PLCH2: variants seen among roughly 807,000 people sequenced by gnomAD.
PLCH2 encodes the protein phospholipase C eta 2.
Under a neutral mutation model 134.7 loss-of-function variants are expected in PLCH2, and 98 were observed. That is an observed-to-expected ratio of 0.73 (90% confidence interval 0.62 to 0.86). The LOEUF is 0.86. Ranked by LOEUF, PLCH2 falls within the 40% of genes least tolerant of loss-of-function variation. The pLI, the probability that PLCH2 is intolerant of heterozygous loss-of-function variation, is 0.00. For synonymous variants in PLCH2, 974 were observed against 827.5 expected, an observed-to-expected ratio of 1.18 and a Z score of -3.04; for missense variants, 1,994 against 1,986.6, an observed-to-expected ratio of 1.00 and a Z score of -0.07.
At chr1:2,452,879 G>A (rs1039757174) in intron 2 of PLCH2, among the ~76,000 whole-genome samples, 3 of 152,218 alleles carry the variant, frequency 2.0e-5, no homozygotes, top group African/African-American at 7.2e-5. Context: ...GCTCAGCAGA[G>A]CCTAGAGGAG....
chr1:2,452,281 C>T (rs1640278095), intron 2 of PLCH2, among the ~76,000 whole-genome samples: 1 of 152,174 alleles, frequency 6.6e-6, no homozygotes. Context: ...AGGCCTGGGT[C>T]CCCCTGCCGC....
chr1:2,499,281 C>G, intron 19 of PLCH2, 51 bp downstream of exon 19: 1 of 1,597,752 alleles, frequency 6.3e-7, no homozygotes, highest in Non-Finnish European at 8.5e-7. Context: ...GGCCCCAGGG[C>G]AGGGCAGGTA....
chr1:2,454,122 C>CCAG (rs1168434580), intron 2 of PLCH2, among the ~76,000 whole-genome samples: 2 of 152,216 alleles, frequency 1.3e-5, no homozygotes, highest in Admixed American at 6.5e-5. Context: ...CCTGGCCTCT[C>CCAG]CAGCAGTCCG....
At chr1:2,437,827 C>T (rs938622845) in intron 2 of PLCH2, among the ~76,000 whole-genome samples, 9 of 152,230 alleles carry the variant, frequency 5.9e-5, no homozygotes, top group Admixed American at 2.0e-4. Flanking sequence ...CACATGTTCA[C>T]ATGCACCCAA....
At chr1:2,469,915 G>T (rs149980026) in intron 1 of PLCH2, among the ~76,000 whole-genome samples, 1 of 152,318 alleles carries the variant, frequency 6.6e-6, no homozygotes, top group African/African-American at 2.4e-5. Flanking sequence ...GACCCCGAGA[G>T]GGGGCCTTGT....
At chr1:2,416,061 G>A in the PLCH2 span, among the ~76,000 whole-genome samples, 8 of 152,156 alleles carry the variant, frequency 5.3e-5, no homozygotes, top group East Asian at 1.9e-4. Context: ...GGGCAGCCCC[G>A]CAGGTGATCT....
chr1:2,426,646 G>A (rs1344746603), intron 1 of PLCH2, among the ~76,000 whole-genome samples: 1 of 152,248 alleles, frequency 6.6e-6, no homozygotes, highest in Non-Finnish European at 1.5e-5. Flanking sequence ...AGCTGGGCGG[G>A]CTCCACTCCC....
At chr1:2,497,202 C>G (rs1357853579) in intron 15 of PLCH2, among the ~76,000 whole-genome samples, 192 bp downstream of exon 15, 1 of 152,278 alleles carries the variant, frequency 6.6e-6, no homozygotes, top group Non-Finnish European at 1.5e-5. Flanking sequence ...AGCACTGGGG[C>G]AGGGTCCTTC....
upstream of PLCH2, among the ~76,000 whole-genome samples, chr1:2,421,644 A>T (rs1406262676): frequency 6.6e-6 from 1 of 152,124 alleles, no homozygotes; most frequent in East Asian, 1.9e-4. Flanking sequence ...CACCACCTTC[A>T]TAAAAAAATA....
rs983857390 is a variant in PLCH2 at position 2,478,338 on chromosome 1, C to A, written c.125-138C>A. The A allele has an allele frequency of 1.5e-4, 160 of 1,050,626 alleles. No homozygotes were observed. In the Admixed American group the frequency reaches 2.8e-3, roughly 18 times the overall value. The allele number at this position is 1,050,626 out of a possible 1,614,324, so 65.1% of individuals were successfully genotyped here. A position where few individuals can be genotyped will look rare whatever the true frequency, so the allele number is the denominator to read the frequency against. ...GCAGGGCGGTGTGGGCGGGGCCGGGCGAGGTGAGGAGTGGCCGTGCCTCCG... is the reference window on the plus strand; with the variant it reads ...GCAGGGCGGTGTGGGCGGGGCCGGGAGAGGTGAGGAGTGGCCGTGCCTCCG... On this transcript the variant is annotated intron_variant, in intron 1 of 21. Transcript: ENST00000378486.
At position 2,505,073 on chromosome 1, in the gene PLCH2, C is replaced by A. The variant is rs1643470980; in HGVS notation, c.4111C>A (p.Pro1371Thr). Residue 1371 changes from proline to threonine, a missense_variant, in exon 22 of 22, where the codon CCC becomes ACC. By Grantham distance (38) the Pro-to-Thr change is conservative. Coordinates refer to ENST00000378486, the MANE Select transcript of PLCH2 (RefSeq NM_014638.4). The stretch of plus-strand genomic sequence containing the variant: ...ACTGCAGGGCCTGGGCCGGCAGGGA[C>A]CCCCAGAAGAGGAGCGGGGCACCCC... The part of the protein sequence containing the change: ...QRLQGLGRQG[P>T]PEEERGTPEG... 3.9e-6 allele frequency: 6 copies of A among 1,538,272 alleles called. No homozygotes were observed. The highest frequency in any genetic ancestry group is 5.2e-6 in the Non-Finnish European group (6 of 1,149,568).
In PLCH2 at chr1:2,504,695, G is replaced by T. The variant is rs751660679; in HGVS notation, c.3733G>T (p.Val1245Leu). Reference protein sequence around the residue: ...PPWGCLSLVGVQDCPVAAKSK... With the variant: ...PPWGCLSLVGLQDCPVAAKSK... The stretch of plus-strand genomic sequence containing the variant: ...CTGGGGCTGCCTTTCCCTGGTGGGC[G>T]TGCAGGACTGCCCCGTGGCTGCCAA... The change falls in exon 22 of 22, where the codon GTG becomes TTG. Residue 1245 changes from valine to leucine, a missense_variant. Val to Leu is a conservative substitution (Grantham distance 32, BLOSUM62 1). This residue lies in a region of PLCH2 where 900 missense variants were observed against 752.3 expected (regional missense o/e 1.20). Transcript: ENST00000378486. 1 of 1,612,514 alleles carries T rather than the reference G, an allele frequency of 6.2e-7. No homozygotes were observed. The highest frequency in any genetic ancestry group is 8.5e-7 in the Non-Finnish European group (1 of 1,179,750).
At chr1:2,480,021 C>A (rs765265411) in intron 3 of PLCH2, 44 bp downstream of exon 3, 1 of 1,588,996 alleles carries the variant, frequency 6.3e-7, no homozygotes, top group African/African-American at 1.3e-5. Context: ...CAGGGACCGG[C>A]CCCTTGGCTG....
chr1:2,487,006 T>C lies in PLCH2; in HGVS notation c.910+6T>C. 1.9e-6 allele frequency: 3 copies of C among 1,586,554 alleles called. No individual in the cohort carries two copies. The highest frequency in any genetic ancestry group is 2.7e-5 in the African/African-American group (2 of 74,178). On this transcript the variant is annotated splice_donor_region_variant and intron_variant, in intron 6 of 21. Coordinates refer to ENST00000378486, the MANE Select transcript of PLCH2 (RefSeq NM_014638.4). ...GGGGCTGCTGGGCATTGATGGTGAG[T>C]GGGGCGCTGCCCTCAGCCCAGCTGT...
At chr1:2,445,757 G>A (rs1173013878) in intron 2 of PLCH2, among the ~76,000 whole-genome samples, 2 of 152,192 alleles carry the variant, frequency 1.3e-5, no homozygotes, top group Non-Finnish European at 2.9e-5. Context: ...TGGAGTTCAG[G>A]TGACATAATC....
chr1:2,497,071 A>G, intron 15 of PLCH2, 61 bp downstream of exon 15: 1 of 1,534,260 alleles, frequency 6.5e-7, no homozygotes, highest in South Asian at 1.2e-5. Flanking sequence ...CGGTCCCTGA[A>G]GCCCAAGGGG....
chr1:2,467,471 C>A (rs1463409466), exon 1 of PLCH2: 1 of 393,524 alleles, frequency 2.5e-6, no homozygotes, highest in Non-Finnish European at 4.5e-6. Context: ...CGGGCGGGCG[C>A]GGCAGGGCAG....
intron 20 of PLCH2, chr1:2,501,741 A>C: frequency 4.4e-6 from 1 of 226,928 alleles, no homozygotes; most frequent in Non-Finnish European, 8.6e-6. Flanking sequence ...GCCTCTGAGC[A>C]GGTGCAGGCT....
chr1:2,430,602 T>G (rs1208734491), exon 2 of PLCH2: 1 of 140,702 alleles, frequency 7.1e-6, no homozygotes, highest in African/African-American at 2.5e-5. Flanking sequence ...CAGGTGGCTT[T>G]TCTTGAGCGC....
Sources: allele counts gnomAD v4.1 joint callset (sites outside exome capture counted in the v4.1 genomes callset), GRCh38; gene constraint gnomAD v4.1.1; regional missense constraint gnomAD v4.1.1; transcripts MANE v1.5; gene names NCBI Gene and HGNC (gene_info 2026-07-23, HGNC 2026-07-21).